The following LAMC3 variants were observed in gnomAD, a reference collection of about 807,000 sequenced individuals.
The protein encoded by LAMC3 is laminin subunit gamma-3.
In LAMC3, 128 loss-of-function variants were observed where a neutral mutation model predicts 173.8. The observed-to-expected ratio is 0.74, with a 90% CI of 0.64 to 0.85. LAMC3 has a LOEUF of 0.85. Among genes scored for constraint, LAMC3 ranks in the 40% least tolerant of loss-of-function variants. The pLI is 0.00. For missense variants in LAMC3, 2,022 were observed against 2,156.0 expected (o/e 0.94, Z 1.23); for synonymous variants, 897 against 909.1 (o/e 0.99, Z 0.24).
chr9:131,086,733 C>CA (rs1381653569), intron 25 of LAMC3, among the ~76,000 whole-genome samples: 48 of 151,408 alleles, frequency 3.2e-4, no homozygotes, highest in African/African-American at 9.7e-4. Context: ...ACTAAAAATA[C>CA]AAAAAAATTA....
Position 131,067,128 on chromosome 9 carries a change from C to A in LAMC3, c.2516C>A (p.Thr839Lys). Residue 839 changes from threonine (T) to lysine (K), a missense_variant, in exon 14 of 28, where the codon ACG (threonine) becomes AAG (lysine). By Grantham distance (78) the Thr-to-Lys change is moderately conservative. Transcript: ENST00000361069. ...GHCLRCLHNTTGDHCEHCQEG... is the reference protein window; with the variant it reads ...GHCLRCLHNTKGDHCEHCQEG... ...TGCCTGCGCTGCCTGCACAACACCA[C>A]GGGTGACCACTGTGAGCACTGTCAG... is the stretch of plus-strand genomic sequence containing the variant. 6.2e-7 allele frequency: 1 copy of A among 1,614,160 alleles called. No individual in the cohort carries two copies. Among genetic ancestry groups the A allele is most frequent in the South Asian group, 1.1e-5 (1 of 91,090 alleles).
At chr9:131,053,097 A>C in intron 11 of LAMC3, 132 bp downstream of exon 11, 2 of 755,876 alleles carry the variant, frequency 2.6e-6, no homozygotes, top group East Asian at 5.3e-5. Flanking sequence ...CCAAGAAGGA[A>C]CCTTAGTCAA....
rs1830438904 is a variant in LAMC3, at chr9:131,092,147, A to G, written c.*360A>G. 3.0e-6 allele frequency: 1 copy of G among 338,712 alleles called. No individual in the cohort carries two copies. The highest frequency in any genetic ancestry group is 5.7e-6 in the Non-Finnish European group (1 of 176,090). 21.0% of individuals were successfully genotyped at this position (338,712 alleles called of 1,614,324 possible). A position where few individuals can be genotyped will look rare whatever the true frequency, so the allele number is the denominator to read the frequency against. ...CAGCAGCTTACGGTCCACACACATT[A>G]CAGTCCACAGCTGTTGTGAGAGCCA... On this transcript the variant is annotated 3_prime_UTR_variant, in exon 28 of 28. Coordinates refer to ENST00000361069, the MANE Select transcript of LAMC3 (RefSeq NM_006059.4).
chr9:131,030,186 C>T (rs956598818), intron 2 of LAMC3, among the ~76,000 whole-genome samples: 14 of 152,146 alleles, frequency 9.2e-5, no homozygotes, highest in African/African-American at 1.7e-4. Flanking sequence ...GGGATCTGCC[C>T]GCCTTGGCCT....
At chr9:131,083,542 A>G (rs1416510996) in intron 24 of LAMC3, among the ~76,000 whole-genome samples, 1 of 152,208 alleles carries the variant, frequency 6.6e-6, no homozygotes, top group Non-Finnish European at 1.5e-5. Flanking sequence ...TTGTGTTCAA[A>G]TAAGTTTAGG....
In LAMC3 at chr9:131,069,751, G is replaced by C. The variant is rs763837611; in HGVS notation, c.2970G>C (p.Glu990Asp). 1.3e-6 allele frequency: 2 copies of C among 1,599,164 alleles called. No individual in the cohort carries two copies. The highest frequency in any genetic ancestry group is 2.3e-5 in the South Asian group (2 of 88,516). ...NGTCVCRPGF[E>D]GYKCDRCHDN... ...CATGCGTGTGCAGGCCTGGCTTCGA[G>C]GGCTACAAATGTGACCGCTGCCACG... The change falls in exon 17 of 28, where the codon GAG (glutamate) becomes GAC (aspartate). Residue 990 changes from glutamate (E) to aspartate (D), a missense_variant. Transcript: ENST00000361069.
chr9:131,045,235 A>AG (rs1834130493), intron 7 of LAMC3, among the ~76,000 whole-genome samples: 1 of 40,714 alleles, frequency 2.5e-5, no homozygotes, highest in Admixed American at 1.7e-4. Context: ...AAAAAAAAAA[A>AG]ACAACAACAA....
intron 3 of LAMC3, among the ~76,000 whole-genome samples, chr9:131,032,673 G>A (rs564001047): frequency 5.8e-5 from 8 of 138,022 alleles, no homozygotes; most frequent in African/African-American, 1.9e-4. Context: ...ACTCTCTCTC[G>A]CTCTCTCTCT....
intron 20 of LAMC3, among the ~76,000 whole-genome samples, chr9:131,074,013 C>CT (rs2133329159): frequency 7.4e-6 from 1 of 134,896 alleles, no homozygotes; most frequent in Admixed American, 8.7e-5. Context: ...GTGGCGCTAT[C>CT]TCGGCTCACT....
chr9:131,054,351 C>T (rs916600274), intron 11 of LAMC3, among the ~76,000 whole-genome samples: 1 of 152,206 alleles, frequency 6.6e-6, no homozygotes, highest in Non-Finnish European at 1.5e-5. Flanking sequence ...CTCCCCAGCA[C>T]CCGCAATCCC....
rs922030409 is a variant in LAMC3, at chr9:131,009,892, G to A, written c.373+305G>A. Reference sequence around the variant, plus strand: ...AAATAGGCCGGGCGCGGTGGCTGACGTCTGTAATCCCAGCACTTTGGGAGG... The same window carrying A: ...AAATAGGCCGGGCGCGGTGGCTGACATCTGTAATCCCAGCACTTTGGGAGG... On this transcript the variant is annotated intron_variant, in intron 1 of 27. Transcript: ENST00000361069. This position sits in a 1 kb window ranked among gnomAD's most constrained non-coding sequence, Gnocchi z 4.3. 5.3e-5 allele frequency among the ~76,000 whole-genome samples: 8 copies of A among 151,738 alleles called. No homozygotes were observed. The highest frequency in any genetic ancestry group is 1.2e-4 in the Non-Finnish European group (8 of 67,932).
intron 4 of LAMC3, among the ~76,000 whole-genome samples, chr9:131,038,545 C>T (rs1044256235): frequency 5.3e-5 from 8 of 152,186 alleles, no homozygotes; most frequent in African/African-American, 1.9e-4. Flanking sequence ...GCTGCCACTC[C>T]AGAAGGCAGC....
intron 27 of LAMC3, 31 bp downstream of exon 27, chr9:131,087,848 C>A: frequency 1.3e-6 from 2 of 1,556,692 alleles, no homozygotes; most frequent in South Asian, 1.1e-5. Context: ...GGCCCTGAAC[C>A]CCTGGGTCCC....
At chr9:131,086,913 T>A (rs967701536) in intron 25 of LAMC3, among the ~76,000 whole-genome samples, 3 of 150,154 alleles carry the variant, frequency 2.0e-5, no homozygotes, top group Non-Finnish European at 3.0e-5. Context: ...AAAAAAAGAT[T>A]GGGGTCTCAC....
chr9:131,076,171 C>T (rs1235624561), intron 21 of LAMC3, among the ~76,000 whole-genome samples: 1 of 152,154 alleles, frequency 6.6e-6, no homozygotes, highest in Admixed American at 6.5e-5. Flanking sequence ...CCACTTTTGC[C>T]TGGGGGGATG....
At chr9:131,025,650 C>T (rs867622852) in intron 1 of LAMC3, among the ~76,000 whole-genome samples, 36 of 152,202 alleles carry the variant, frequency 2.4e-4, no homozygotes, top group African/African-American at 7.9e-4. Context: ...CTGGCTGTGG[C>T]CACCAGGGGC....
chr9:131,077,272 G>T lies in LAMC3; in HGVS notation c.3715G>T (p.Val1239Leu). The change falls in exon 22 of 28, where the codon GTG (valine) becomes TTG (leucine). Residue 1239 changes from valine to leucine, a missense_variant. Val to Leu is a conservative substitution (Grantham distance 32). Transcript: ENST00000361069. ...LPEAESVLAT[V>L]QQVGADTAPY... ...TGAAGCGGAAAGCGTGTTGGCCACC[G>T]TGCAGCAAGTTGGCGCAGATACAGC... 2 of 1,614,036 alleles carry T rather than the reference G, an allele frequency of 1.2e-6. No homozygotes were observed. The highest frequency in any genetic ancestry group is 2.2e-5 in the East Asian group (1 of 44,882).
chr9:131,073,413 T>G (rs1310326720), intron 20 of LAMC3, 92 bp downstream of exon 20: 2 of 963,406 alleles, frequency 2.1e-6, no homozygotes, highest in Admixed American at 1.8e-5. Context: ...CACCCAGAAG[T>G]TGGGATCAGA....
At chr9:131,034,076 G>C (rs116797578) in intron 3 of LAMC3, among the ~76,000 whole-genome samples, 1 of 152,166 alleles carries the variant, frequency 6.6e-6, no homozygotes, top group Admixed American at 6.5e-5. Context: ...AGGGGGCTTC[G>C]GGCCAGAGGA....
Sources: gnomAD v4.1 joint callset for allele counts (sites outside exome capture counted in the v4.1 genomes callset) on GRCh38, gnomAD v4.1.1 for gene constraint, Gnocchi (gnomAD v3.1) non-coding constraint, MANE v1.5 for transcripts, NCBI Gene and HGNC (gene_info 2026-07-23, HGNC 2026-07-21) for gene names.